The following PTDSS2 variants were observed in gnomAD, a reference collection of about 807,000 sequenced individuals.
PTDSS2 encodes the protein phosphatidylserine synthase 2, also known as PSS-2.
PTDSS2 carries 41 observed loss-of-function variants against 64.7 expected under a neutral mutation model. The observed-to-expected ratio is 0.63, with a 90% CI of 0.49 to 0.82. PTDSS2 has a LOEUF of 0.82. PTDSS2 is among the 40% of genes least tolerant of loss of function. The pLI is 0.00. For missense variants in PTDSS2, 485 were observed against 650.0 expected (o/e 0.75, Z 2.76); for synonymous variants, 297 against 277.8 (o/e 1.07, Z -0.69).
At position 490,784 on chromosome 11, in the gene PTDSS2, GTA is replaced by G. The variant is rs776689361; in HGVS notation, c.*204_*205del. ...TCCATGTGTACACGTGTGTACGTGT[GTA>G]TGCGTGTGTGTACGCGTGTGTACGC... On this transcript the variant is annotated 3_prime_UTR_variant, in exon 12 of 12. Coordinates refer to ENST00000308020, the MANE Select transcript of PTDSS2 (RefSeq NM_030783.3). 8.2e-4 allele frequency: 502 copies of G among 612,344 alleles called. 1 individual carries two copies. The highest frequency in any genetic ancestry group is 1.3e-3 in the Non-Finnish European group (462 of 349,468). 37.9% of individuals were successfully genotyped at this position (612,344 alleles called of 1,614,324 possible).
At chr11:459,115 G>A (rs1259234819) in intron 1 of PTDSS2, 1 of 134,622 alleles carries the variant, frequency 7.4e-6, no homozygotes, top group Non-Finnish European at 1.6e-5. Context: ...GGTGGATGTC[G>A]GACCTGGGTT....
chr11:456,349 T>A (rs1210800321), intron 1 of PTDSS2, among the ~76,000 whole-genome samples: 2 of 151,228 alleles, frequency 1.3e-5, no homozygotes, highest in African/African-American at 4.9e-5. Flanking sequence ...TAATTTTTTT[T>A]TTTTTTTGGT....
intron 4 of PTDSS2, among the ~76,000 whole-genome samples, chr11:481,375 A>G (rs78119470): frequency 0.043 from 6,558 of 152,228 alleles, 196 homozygotes; most frequent in South Asian, 0.096. Flanking sequence ...CACCCTTTCC[A>G]TTCCTGTGAA....
chr11:481,374 C>G (rs1294198364), intron 4 of PTDSS2, among the ~76,000 whole-genome samples: 1 of 152,210 alleles, frequency 6.6e-6, no homozygotes, highest in African/African-American at 2.4e-5. Flanking sequence ...TCACCCTTTC[C>G]ATTCCTGTGA....
chr11:489,054 C>T (rs1478993762), intron 8 of PTDSS2, among the ~76,000 whole-genome samples: 3 of 152,374 alleles, frequency 2.0e-5, no homozygotes, highest in East Asian at 1.9e-4. Flanking sequence ...GTGGGTGCCC[C>T]GGCTCTGCCT....
In PTDSS2 at chr11:487,092, T is replaced by C; in HGVS notation, c.570+19T>C. The C allele has an allele frequency of 1.2e-6, 2 of 1,606,062 alleles. No homozygotes were observed. The highest frequency in any genetic ancestry group is 1.1e-5 in the South Asian group (1 of 90,018). On this transcript the variant is annotated intron_variant, in intron 5 of 11. Coordinates refer to ENST00000308020, the MANE Select transcript of PTDSS2 (RefSeq NM_030783.3). ...CATCTGGGTAAGACGCCGGGGGCCC[T>C]GAGGCGAGCCCCTCCCCAGGTGTGG...
intron 3 of PTDSS2, among the ~76,000 whole-genome samples, chr11:475,866 G>A (rs1332460364): frequency 6.6e-6 from 1 of 152,204 alleles, no homozygotes; most frequent in Admixed American, 6.5e-5. Flanking sequence ...AAACTAGGCT[G>A]TGGTGAATTT....
chr11:478,379 A>G (rs1477821619), intron 3 of PTDSS2, among the ~76,000 whole-genome samples: 1 of 151,858 alleles, frequency 6.6e-6, no homozygotes, highest in Non-Finnish European at 1.5e-5. Context: ...GGATTGCTTG[A>G]GCCCAGGAGG....
At chr11:454,650 C>T (rs1846503425) in intron 1 of PTDSS2, among the ~76,000 whole-genome samples, 1 of 152,096 alleles carries the variant, frequency 6.6e-6, no homozygotes, top group Non-Finnish European at 1.5e-5. Context: ...ACTAAAAATA[C>T]AAAAATTAGC....
intron 1 of PTDSS2, among the ~76,000 whole-genome samples, chr11:451,899 C>T (rs917304504): frequency 1.3e-5 from 2 of 152,122 alleles, no homozygotes; most frequent in Non-Finnish European, 2.9e-5. Flanking sequence ...ATGAGTGTAC[C>T]GGGTGGCTGC....
intron 2 of PTDSS2, among the ~76,000 whole-genome samples, chr11:467,621 G>T (rs544469989): frequency 1.3e-5 from 2 of 152,014 alleles, no homozygotes; most frequent in East Asian, 3.9e-4. Context: ...GCCTGGCATG[G>T]TGGCAGGCAC....
At chr11:488,077 AGGGCCGGGCGTGGCCGGCG>A (rs1848481593) in intron 6 of PTDSS2, 103 bp from the exon 7 acceptor site, 2 of 662,862 alleles carry the variant, frequency 3.0e-6, no homozygotes, top group African/African-American at 1.9e-5. Context: ...ACCCGTGGGC[AGGGCCGGGCGTGGCCGGCG>A]TCCCATACTC....
Position 460,263 on chromosome 11 carries a change from C to G in PTDSS2, c.259C>G (p.Gln87Glu). 1.2e-6 allele frequency: 2 copies of G among 1,614,164 alleles called. No individual in the cohort carries two copies. The highest frequency in any genetic ancestry group is 2.2e-5 in the South Asian group (2 of 91,088). Residue 87 changes from glutamine (Q) to glutamate (E), a missense_variant, in exon 2 of 12, where the codon CAG becomes GAG. Coordinates refer to ENST00000308020, the MANE Select transcript of PTDSS2 (RefSeq NM_030783.3). The surrounding 1 kb of genome is among the most constrained non-coding windows in gnomAD (Gnocchi z 5.8). Reference sequence around the variant, plus strand: ...TGTGACGCTGCTGGAGGAAACACCTCAGGACACGGCCTACAACACCAAGAG... The same window carrying G: ...TGTGACGCTGCTGGAGGAAACACCTGAGGACACGGCCTACAACACCAAGAG... ...GYVTLLEETP[Q>E]DTAYNTKRGI...
At chr11:475,599 T>G (rs570978470) in intron 3 of PTDSS2, among the ~76,000 whole-genome samples, 1 of 152,402 alleles carries the variant, frequency 6.6e-6, no homozygotes, top group South Asian at 2.1e-4. Context: ...ATTCACAGCC[T>G]CGAAAGAGTG....
At chr11:459,801 T>C (rs1031119916) in intron 1 of PTDSS2, 1 of 207,926 alleles carries the variant, frequency 4.8e-6, no homozygotes, top group African/African-American at 2.3e-5. Flanking sequence ...AGATGTTATT[T>C]CATGAACCCA....
At position 490,151 on chromosome 11, in the gene PTDSS2, C is replaced by T. The variant is rs187184959; in HGVS notation, c.1301+83C>T. The T allele has an allele frequency of 4.0e-5, 56 of 1,417,196 alleles. No individual in the cohort carries two copies. In the African/African-American group the frequency reaches 6.1e-4, roughly 15 times the overall value. The allele number at this position is 1,417,196 out of a possible 1,614,324, so 87.8% of individuals were successfully genotyped here. A position where few individuals can be genotyped will look rare whatever the true frequency, so the allele number is the denominator to read the frequency against. The stretch of plus-strand genomic sequence containing the variant: ...CACAGGCACTGTGGGAGTTTGGTGT[C>T]GTTGGTGTCTCACTGTCCCTGCTTC... On this transcript the variant is annotated intron_variant, in intron 11 of 11. Coordinates refer to ENST00000308020, the MANE Select transcript of PTDSS2 (RefSeq NM_030783.3).
Position 470,197 on chromosome 11 carries a change from C to T in PTDSS2, c.285-3698C>T, listed in dbSNP as rs910458719. On this transcript the variant is annotated intron_variant, in intron 2 of 11. Coordinates refer to ENST00000308020, the MANE Select transcript of PTDSS2 (RefSeq NM_030783.3). This position sits in a 1 kb window ranked among gnomAD's most constrained non-coding sequence, Gnocchi z 5.3. The stretch of plus-strand genomic sequence containing the variant: ...AGGAGGACGCTGCAGCCGAGGTGCC[C>T]GCAGACACCCCCAAGCCCAGTGGTC... Among the ~76,000 whole-genome samples the T allele has an allele frequency of 3.3e-5, 5 of 152,290 alleles. No homozygotes were observed. Among genetic ancestry groups the T allele is most frequent in the East Asian group, 1.9e-4 (1 of 5,176 alleles).
At chr11:469,349 A>T (rs1847305261) in intron 2 of PTDSS2, among the ~76,000 whole-genome samples, 1 of 81,730 alleles carries the variant, frequency 1.2e-5, no homozygotes, top group Non-Finnish European at 2.4e-5. Context: ...GGGTAATCGG[A>T]GGGAGGAGGA....
chr11:489,248 C>T (rs1472625856), intron 8 of PTDSS2, 152 bp from the exon 9 acceptor site: 31 of 649,210 alleles, frequency 4.8e-5, no homozygotes, highest in Non-Finnish European at 7.5e-5. Context: ...GTCTGTGGCC[C>T]GATGGCACAG....
Sources: allele counts gnomAD v4.1 joint callset (sites outside exome capture counted in the v4.1 genomes callset), GRCh38; gene constraint gnomAD v4.1.1; non-coding constraint Gnocchi (gnomAD v3.1); transcripts MANE v1.5; gene names NCBI Gene and HGNC (gene_info 2026-07-23, HGNC 2026-07-21).